SNX29: variants seen among roughly 807,000 people sequenced by gnomAD.
The protein encoded by SNX29 is sorting nexin 29.
A neutral mutation model predicts 102.1 loss-of-function variants in SNX29; 78 were observed. That is an observed-to-expected ratio of 0.76 (90% CI 0.64 to 0.92). SNX29 has a LOEUF of 0.92. Ranked by LOEUF, SNX29 falls within the 40% of genes least tolerant of loss-of-function variation. The pLI is 0.00. For missense variants in SNX29, 1,280 were observed against 1,061.7 expected, an observed-to-expected ratio of 1.21 and a Z score of -2.86; for synonymous variants, 580 against 414.5, an observed-to-expected ratio of 1.40 and a Z score of -4.85.
intron 9 of SNX29, 103 bp downstream of exon 9, chr16:12,061,749 G>A: frequency 2.0e-6 from 2 of 994,528 alleles, no homozygotes; most frequent in Non-Finnish European, 3.0e-6. Flanking sequence ...GGAGCCGGGA[G>A]GCACGGGAGT....
intron 15 of SNX29, among the ~76,000 whole-genome samples, chr16:12,313,306 G>C (rs209854): frequency 6.6e-6 from 1 of 152,008 alleles, no homozygotes; most frequent in African/African-American, 2.4e-5. Context: ...GAGCCACTGC[G>C]CCTGGCCTGG....
intron 14 of SNX29, 93 bp from the exon 15 acceptor site, chr16:12,277,840 T>G: frequency 1.9e-6 from 2 of 1,042,816 alleles, no homozygotes; most frequent in Admixed American, 4.1e-5. Context: ...CAGTCTGAAG[T>G]CATCTGAGAA....
At chr16:12,532,358 C>T (rs1267266103) in intron 20 of SNX29, among the ~76,000 whole-genome samples, 1 of 152,188 alleles carries the variant, frequency 6.6e-6, no homozygotes, top group East Asian at 1.9e-4. Flanking sequence ...TTGTGTGGTT[C>T]TTTCAGCAGC....
chr16:12,200,428 A>T (rs2076884299), intron 14 of SNX29, among the ~76,000 whole-genome samples: 1 of 151,894 alleles, frequency 6.6e-6, no homozygotes, highest in Admixed American at 6.6e-5. Context: ...TTCCTTAAAG[A>T]CAAGCTCATA....
intron 4 of SNX29, among the ~76,000 whole-genome samples, chr16:12,037,030 T>G (rs2151158221): frequency 1.3e-5 from 2 of 152,178 alleles, no homozygotes; most frequent in South Asian, 4.2e-4. Context: ...TCTTTCCGGG[T>G]GGGGTCTCGC....
At position 12,200,731 on chromosome 16, in the gene SNX29, C is replaced by T. The variant is rs142754038; in HGVS notation, c.1678+1048C>T. Among the ~76,000 whole-genome samples, 826 of 152,238 alleles carry T rather than the reference C, an allele frequency of 5.4e-3. 5 individuals carry two copies. The highest frequency in any genetic ancestry group is 9.2e-3 in the Non-Finnish European group (623 of 68,032). ...AACTCCTGACTCCAGGTGATCCGTC[C>T]GCCTCGGCCTCCCAAAGAGCTGGGA... On this transcript the variant is annotated intron_variant, in intron 14 of 20. Coordinates refer to ENST00000566228, the MANE Select transcript of SNX29 (RefSeq NM_032167.5).
rs1352805722 is a variant in SNX29, at chr16:12,569,372, C to G, written c.*743C>G. The G allele has an allele frequency of 4.3e-6, 1 of 230,592 alleles. No individual in the cohort carries two copies. Among genetic ancestry groups the G allele is most frequent in the South Asian group, 1.8e-4 (1 of 5,494 alleles). 14.3% of individuals were successfully genotyped at this position (230,592 alleles called of 1,614,324 possible). ...CCTCGCCAGGCTTGGAGTGGGGGGA[C>G]TCAGACATCTGGCCCAGCCATCAGC... On this transcript the variant is annotated 3_prime_UTR_variant, in exon 21 of 21. Coordinates refer to ENST00000566228, the MANE Select transcript of SNX29 (RefSeq NM_032167.5).
intron 1 of SNX29, among the ~76,000 whole-genome samples, chr16:11,988,979 AT>A (rs573899646): frequency 1.0e-4 from 15 of 148,340 alleles, no homozygotes; most frequent in Admixed American, 2.0e-4. Context: ...CTCTAGAGTA[AT>A]TTTTTTTTTT....
At chr16:12,181,495 A>C (rs1242049485) in intron 13 of SNX29, among the ~76,000 whole-genome samples, 1 of 152,216 alleles carries the variant, frequency 6.6e-6, no homozygotes. Context: ...CATTCAGCTC[A>C]GTGAGTAGAG....
chr16:12,027,301 G>C lies in SNX29; in HGVS notation c.123-19G>C, dbSNP rs762336086. On this transcript the variant is annotated intron_variant, in intron 3 of 20. Coordinates refer to ENST00000566228, the MANE Select transcript of SNX29 (RefSeq NM_032167.5). ...CTCCCTTTTCTGGGGGGACTGATGA[G>C]TCATTGGTTTTCTCACAGGGTCACC... 2 of 1,613,134 alleles carry C rather than the reference G, an allele frequency of 1.2e-6. No homozygotes were observed. Among genetic ancestry groups the C allele is most frequent in the Non-Finnish European group, 8.5e-7 (1 of 1,179,402 alleles).
chr16:12,539,924 T>C (rs959732079), intron 20 of SNX29, among the ~76,000 whole-genome samples: 1 of 152,234 alleles, frequency 6.6e-6, no homozygotes, highest in Non-Finnish European at 1.5e-5. Context: ...TGGGAGTTCT[T>C]TGTATATGTT....
chr16:12,152,549 A>G (rs1317512843), intron 13 of SNX29, among the ~76,000 whole-genome samples: 1 of 152,178 alleles, frequency 6.6e-6, no homozygotes, highest in Non-Finnish European at 1.5e-5. Flanking sequence ...TCTGAACCCC[A>G]GATTCACCCA....
At chr16:12,350,295 C>G (rs752904358) in intron 15 of SNX29, among the ~76,000 whole-genome samples, 1 of 152,158 alleles carries the variant, frequency 6.6e-6, no homozygotes, top group Non-Finnish European at 1.5e-5. Flanking sequence ...TTTTCCTTCT[C>G]TTTATTCCCT....
At chr16:12,149,305 C>T (rs2055199364) in intron 13 of SNX29, among the ~76,000 whole-genome samples, 1 of 152,190 alleles carries the variant, frequency 6.6e-6, no homozygotes, top group Non-Finnish European at 1.5e-5. Flanking sequence ...CACTCAAACA[C>T]TTTCTCTTAC....
rs2079167060 is a variant in SNX29 at position 12,570,607 on chromosome 16, T to C, written c.*1978T>C. On this transcript the variant is annotated 3_prime_UTR_variant, in exon 21 of 21. Transcript: ENST00000566228. Reference sequence around the variant, plus strand: ...CTGGGTAGCTACCCTGGAGGTCATCTCCCTGTTCTCTGTTGGATAAAGGAA... The same window carrying C: ...CTGGGTAGCTACCCTGGAGGTCATCCCCCTGTTCTCTGTTGGATAAAGGAA... 1 of 232,118 alleles carries C rather than the reference T, an allele frequency of 4.3e-6. No individual in the cohort carries two copies. 14.4% of individuals were successfully genotyped at this position (232,118 alleles called of 1,614,324 possible).
rs545431697 is a variant in SNX29, at chr16:12,439,490, A to C, written c.2037+35961A>C. Among the ~76,000 whole-genome samples, 4 of 152,364 alleles carry C rather than the reference A, an allele frequency of 2.6e-5. No individual in the cohort carries two copies. In the East Asian group the frequency reaches 7.7e-4, roughly 29 times the overall value. On this transcript the variant is annotated intron_variant, in intron 18 of 20. Transcript: ENST00000566228. ...CCATGACTGGGGAGGCCTCACAATC[A>C]TGGCGGAAGGTGAAAGTCCCATCTC...
chr16:11,986,256 T>C (rs1257311231), intron 1 of SNX29, among the ~76,000 whole-genome samples: 1 of 151,760 alleles, frequency 6.6e-6, no homozygotes, highest in African/African-American at 2.4e-5. Context: ...CACTAGTGTT[T>C]CCTCTGCTCA....
chr16:12,537,955 A>C (rs974319890), intron 20 of SNX29, among the ~76,000 whole-genome samples: 1 of 148,314 alleles, frequency 6.7e-6, no homozygotes, highest in African/African-American at 2.5e-5. Flanking sequence ...ACTGCACTCC[A>C]GCCTGGGCAA....
At chr16:12,051,495 G>T (rs1211966102) in intron 7 of SNX29, among the ~76,000 whole-genome samples, 2 of 152,152 alleles carry the variant, frequency 1.3e-5, no homozygotes, top group East Asian at 3.8e-4. Flanking sequence ...ACACCCCCCA[G>T]CTGGTTCTCC....
Sources: gnomAD v4.1 joint callset for allele counts (sites outside exome capture counted in the v4.1 genomes callset) on GRCh38, gnomAD v4.1.1 for gene constraint, MANE v1.5 for transcripts, NCBI Gene and HGNC (gene_info 2026-07-23, HGNC 2026-07-21) for gene names.